The following ADGB variants were observed in gnomAD, a reference collection of about 807,000 sequenced individuals.
The protein encoded by ADGB is androglobin.
A neutral mutation model predicts 210.5 loss-of-function variants in ADGB; 172 were observed. That is an observed-to-expected ratio of 0.82 (90% CI 0.72 to 0.93). The LOEUF is 0.93. Ranked by LOEUF, ADGB falls within the 40% of genes least tolerant of loss-of-function variation. ADGB has a pLI of 0.00. For missense variants in ADGB, 2,025 were observed against 1,964.8 expected (o/e 1.03, Z -0.58); for synonymous variants, 658 against 662.7 (o/e 0.99, Z 0.11).
chr6:146,714,739 G>A (rs1776709087), intron 13 of ADGB, among the ~76,000 whole-genome samples: 1 of 152,074 alleles, frequency 6.6e-6, no homozygotes, highest in South Asian at 2.1e-4. Flanking sequence ...GCATGGATAG[G>A]CTTTGCTTTG....
chr6:146,763,816 T>G, intron 27 of ADGB, 85 bp from the exon 28 acceptor site: 1 of 1,201,098 alleles, frequency 8.3e-7, no homozygotes, highest in Non-Finnish European at 1.1e-6. Context: ...CTTTGAGTGT[T>G]TTATAAAGGA....
rs748978533 is a variant in ADGB at position 146,728,659 on chromosome 6, T to C, written c.2438T>C (p.Leu813Pro). The change falls in exon 20 of 36, where the codon CTC (leucine) becomes CCC (proline). Residue 813 changes from leucine to proline, a missense_variant. By Grantham distance (98) the Leu-to-Pro change is moderately conservative. Transcript: ENST00000397944. The part of the protein sequence containing the change: ...VIANFKDKGK[L>P]SAALKDLQTA... Reference sequence around the variant, plus strand: ...GCTAATTTCAAAGATAAGGGTAAACTCTCTGCAGCTTTGAAGGATCTGCAA... The same window carrying C: ...GCTAATTTCAAAGATAAGGGTAAACCCTCTGCAGCTTTGAAGGATCTGCAA... 9.0e-6 allele frequency: 14 copies of C among 1,551,632 alleles called. No individual in the cohort carries two copies. The highest frequency in any genetic ancestry group is 1.2e-5 in the Non-Finnish European group (14 of 1,146,954).
chr6:146,664,363 A>G, intron 6 of ADGB, 23 bp downstream of exon 6: 1 of 1,518,266 alleles, frequency 6.6e-7, no homozygotes, highest in East Asian at 2.5e-5. Context: ...ACTATCACTC[A>G]CATGAATAAA....
chr6:146,706,845 G>GTTTTTTTTTTTTTTTTTTTTTATTTTTTT (rs34520729), intron 13 of ADGB, among the ~76,000 whole-genome samples: 1 of 100,736 alleles, frequency 9.9e-6, no homozygotes, highest in African/African-American at 4.4e-5. Context: ...TCAGCTTAGT[G>GTTTTTTTTTTTTTTTTTTTTTATTTTTTT]TTTTTTTTTT....
At chr6:146,617,167 T>C (rs891182861) in intron 1 of ADGB, among the ~76,000 whole-genome samples, 2 of 152,112 alleles carry the variant, frequency 1.3e-5, no homozygotes, top group Admixed American at 6.5e-5. Context: ...TCACTTCTTT[T>C]GTTGCATTTA....
intron 35 of ADGB, chr6:146,807,666 A>G: frequency 9.2e-7 from 1 of 1,089,308 alleles, no homozygotes; most frequent in Non-Finnish European, 1.3e-6. Context: ...TGCTGATAAG[A>G]TATTGGGCCA....
chr6:146,753,496 C>T (rs541270406), intron 27 of ADGB, among the ~76,000 whole-genome samples: 19 of 152,004 alleles, frequency 1.2e-4, no homozygotes, highest in African/African-American at 2.9e-4. Flanking sequence ...CTGATGATGA[C>T]GTATTTCCTT....
chr6:146,744,431 T>G (rs1777200014), intron 25 of ADGB, among the ~76,000 whole-genome samples: 1 of 152,210 alleles, frequency 6.6e-6, no homozygotes, highest in Non-Finnish European at 1.5e-5. Context: ...TTTTACCTGA[T>G]GTTGTGTCTT....
At chr6:146,753,860 T>C (rs1267515502) in intron 27 of ADGB, among the ~76,000 whole-genome samples, 1 of 151,838 alleles carries the variant, frequency 6.6e-6, no homozygotes, top group East Asian at 1.9e-4. Flanking sequence ...TTTTTCTCTA[T>C]GTGCACCCGT....
rs2114921477 is a variant in ADGB, at chr6:146,691,119, G to A, written c.1315G>A (p.Asp439Asn). 1 of 1,518,574 alleles carries A rather than the reference G, an allele frequency of 6.6e-7. No individual in the cohort carries two copies. Among genetic ancestry groups the A allele is most frequent in the East Asian group, 2.5e-5 (1 of 40,322 alleles). The allele number at this position is 1,518,574 out of a possible 1,614,324, so 94.1% of individuals were successfully genotyped here. ...NKIFSLEKMADSAEKLREYGL... is the reference protein window; with the variant it reads ...NKIFSLEKMANSAEKLREYGL... ...CAATTTACTTTCCATCTTCTAGGCA[G>A]ATTCTGCTGAGAAACTTAGAGAATA... The change falls in exon 11 of 36, where the codon GAT becomes AAT. Residue 439 changes from aspartate (D) to asparagine (N), a missense_variant. Physicochemically the swap from Asp to Asn is conservative, Grantham distance 23. Transcript: ENST00000397944.
Position 146,815,172 on chromosome 6 carries a change from C to G in ADGB, c.4959C>G (p.Thr1653=), listed in dbSNP as rs935942297. 15 of 1,524,164 alleles carry G rather than the reference C, an allele frequency of 9.8e-6. No individual in the cohort carries two copies. Among genetic ancestry groups the G allele is most frequent in the Middle Eastern group, 1.7e-4 (1 of 5,936 alleles). 94.4% of individuals were successfully genotyped at this position (1,524,164 alleles called of 1,614,324 possible). A position where few individuals can be genotyped will look rare whatever the true frequency, so the allele number is the denominator to read the frequency against. Residue 1653 remains threonine, a synonymous_variant, in exon 36 of 36, where the codon ACC becomes ACG. Transcript: ENST00000397944. ...AAMKLETEKM[T]PAPDTQKKKK... is the part of the protein sequence containing the mutation. ...TGAAGCTGGAGACAGAAAAGATGAC[C>G]CCAGCTCCTGACACACAGAAAAAAA...
chr6:146,782,100 G>A lies in ADGB; in HGVS notation c.3943G>A (p.Val1315Ile), dbSNP rs1324286463. 1.3e-6 allele frequency: 2 copies of A among 1,548,146 alleles called. No individual in the cohort carries two copies. Among genetic ancestry groups the A allele is most frequent in the African/African-American group, 1.4e-5 (1 of 72,868 alleles). The change falls in exon 30 of 36, where the codon GTA becomes ATA. Residue 1315 changes from valine to isoleucine, a missense_variant. By Grantham distance (29) the Val-to-Ile change is conservative (BLOSUM62 3). Coordinates refer to ENST00000397944, the MANE Select transcript of ADGB (RefSeq NM_024694.4). ...HTISEGQKSSVTSKTTRKGKE... is the reference protein window; with the variant it reads ...HTISEGQKSSITSKTTRKGKE... ...TATTAGTGAGGGACAAAAATCTTCA[G>A]TAACTTCCAAAACAACAAGGAAAGG...
chr6:146,610,185 T>A (rs1314173911), intron 1 of ADGB, among the ~76,000 whole-genome samples: 1 of 152,242 alleles, frequency 6.6e-6, no homozygotes, highest in African/African-American at 2.4e-5. Context: ...TTCAGCTCTA[T>A]CAGATGAGTT....
chr6:146,744,382 A>G (rs766466785), intron 25 of ADGB, among the ~76,000 whole-genome samples: 7 of 152,216 alleles, frequency 4.6e-5, no homozygotes, highest in Non-Finnish European at 1.0e-4. Context: ...AGGCCTTGAC[A>G]TATGCCTGCC....
chr6:146,764,061 T>C lies in ADGB; in HGVS notation c.3711T>C (p.Ser1237=). ...GLPLVEEETT[S]TPTREDSSST... ...CCCTTGTGGAGGAGGAAACTACCAGTACACCCACTAGAGAAGACAGTTCCA... is the reference window on the plus strand; with the variant it reads ...CCCTTGTGGAGGAGGAAACTACCAGCACACCCACTAGAGAAGACAGTTCCA... Residue 1237 remains serine (S), a synonymous_variant, in exon 28 of 36, where the codon AGT becomes AGC. Transcript: ENST00000397944. The C allele has an allele frequency of 6.4e-7, 1 of 1,551,292 alleles. No homozygotes were observed.
At chr6:146,675,502 A>G (rs1180112672) in intron 8 of ADGB, among the ~76,000 whole-genome samples, 1 of 151,816 alleles carries the variant, frequency 6.6e-6, no homozygotes, top group East Asian at 1.9e-4. Flanking sequence ...AAGGTATGAA[A>G]CATGTCTATT....
At chr6:146,765,669 G>T (rs1423541477) in intron 28 of ADGB, among the ~76,000 whole-genome samples, 1 of 151,244 alleles carries the variant, frequency 6.6e-6, no homozygotes, top group African/African-American at 2.4e-5. Flanking sequence ...AAATACATAA[G>T]ATTCAATAAC....
At chr6:146,638,681 C>A (rs947771621) in intron 2 of ADGB, among the ~76,000 whole-genome samples, 5 of 150,838 alleles carry the variant, frequency 3.3e-5, no homozygotes, top group African/African-American at 1.2e-4. Flanking sequence ...GTGCAGCACA[C>A]CAACAAGGCA....
chr6:146,720,761 C>A (rs1376845524), intron 16 of ADGB, among the ~76,000 whole-genome samples: 1 of 152,120 alleles, frequency 6.6e-6, no homozygotes, highest in Non-Finnish European at 1.5e-5. Context: ...GTGCCACGCA[C>A]TTTCAAACAA....
Sources: allele counts gnomAD v4.1 joint callset (sites outside exome capture counted in the v4.1 genomes callset), GRCh38; gene constraint gnomAD v4.1.1; transcripts MANE v1.5; gene names NCBI Gene and HGNC (gene_info 2026-07-23, HGNC 2026-07-21).